The following ZFPM2 variants were observed in gnomAD, a reference collection of about 807,000 sequenced individuals.
ZFPM2 encodes zinc finger protein, FOG family member 2.
In ZFPM2, 20 loss-of-function variants were observed where a neutral mutation model predicts 98.6. The observed-to-expected ratio is 0.20, with a 90% CI of 0.14 to 0.29. The LOEUF (loss-of-function observed/expected upper bound fraction) is 0.29. Ranked by LOEUF, ZFPM2 falls within the 10% of genes least tolerant of loss-of-function variation. The pLI, the probability that ZFPM2 is intolerant of heterozygous loss-of-function variation, is 1.00. For synonymous variants in ZFPM2, 518 were observed against 502.7 expected, an observed-to-expected ratio of 1.03 and a Z score of -0.41; for missense variants, 1,310 against 1,388.6, an observed-to-expected ratio of 0.94 and a Z score of 0.90.
At chr8:105,515,747 T>G (rs16873287) in intron 3 of ZFPM2, among the ~76,000 whole-genome samples, 60,280 of 151,876 alleles carry the variant, frequency 0.4, 14,758 homozygotes, top group African/African-American at 0.7. Context: ...GACTTATTCT[T>G]AGATTAGTTG....
chr8:105,402,671 A>G (rs1811364163), intron 1 of ZFPM2, among the ~76,000 whole-genome samples: 1 of 152,006 alleles, frequency 6.6e-6, no homozygotes, highest in Non-Finnish European at 1.5e-5. Context: ...AGTCCCAACA[A>G]GCATTTAGAC....
At chr8:105,757,270 A>G (rs1335091600) in intron 5 of ZFPM2, among the ~76,000 whole-genome samples, 1 of 152,174 alleles carries the variant, frequency 6.6e-6, no homozygotes, top group Non-Finnish European at 1.5e-5. Flanking sequence ...CTGATTGCAT[A>G]TTAGACTCAC....
chr8:105,509,441 GT>G (rs1340267149), intron 3 of ZFPM2, among the ~76,000 whole-genome samples: 5 of 152,040 alleles, frequency 3.3e-5, no homozygotes, highest in African/African-American at 7.2e-5. Context: ...TCTTTAAATT[GT>G]TCATGCGATA....
At chr8:105,628,494 C>A (rs1351115487) in intron 4 of ZFPM2, among the ~76,000 whole-genome samples, 1 of 152,160 alleles carries the variant, frequency 6.6e-6, no homozygotes, top group African/African-American at 2.4e-5. Context: ...AAAGTGAGAA[C>A]TTCTATCCCT....
At chr8:105,322,955 G>T (rs1812054997) in intron 1 of ZFPM2, among the ~76,000 whole-genome samples, 2 of 151,694 alleles carry the variant, frequency 1.3e-5, no homozygotes, top group Admixed American at 1.3e-4. Context: ...ATAAAGGGTA[G>T]GTTATAGTCA....
intron 1 of ZFPM2, among the ~76,000 whole-genome samples, chr8:105,377,504 G>A (rs755993867): frequency 7.5e-5 from 11 of 146,634 alleles, no homozygotes; most frequent in Non-Finnish European, 1.5e-4. Flanking sequence ...GCTCATGCCT[G>A]TAATCCCAGC....
At chr8:105,349,314 G>A (rs1382303726) in intron 1 of ZFPM2, among the ~76,000 whole-genome samples, 4 of 152,146 alleles carry the variant, frequency 2.6e-5, no homozygotes, top group African/African-American at 9.7e-5. Context: ...GGAATGGCCT[G>A]GACTTCAGCC....
rs557144133 is a variant in ZFPM2, at chr8:105,423,647, C to T, written c.199+4345C>T. On this transcript the variant is annotated intron_variant, in intron 2 of 7. Transcript: ENST00000407775. Reference sequence around the variant, plus strand: ...GAAATTTTCGTTTCAGTTATTTTGTCTGCCTTTCTTCTGGTTTATGTGCCA... The same window carrying T: ...GAAATTTTCGTTTCAGTTATTTTGTTTGCCTTTCTTCTGGTTTATGTGCCA... Among the ~76,000 whole-genome samples the T allele has an allele frequency of 1.3e-4, 20 of 152,292 alleles. No homozygotes were observed. In the East Asian group the frequency reaches 3.5e-3, roughly 26 times the overall value.
intron 5 of ZFPM2, among the ~76,000 whole-genome samples, chr8:105,753,673 CAT>C (rs947235516): frequency 9.2e-5 from 14 of 152,160 alleles, no homozygotes; most frequent in African/African-American, 3.4e-4. Context: ...AGTTTGAAAA[CAT>C]GTTAGTAAGA....
intron 5 of ZFPM2, among the ~76,000 whole-genome samples, chr8:105,723,828 T>C (rs140583293): frequency 5.4e-4 from 82 of 151,942 alleles, no homozygotes; most frequent in African/African-American, 1.9e-3. Flanking sequence ...TAAATGTCCT[T>C]TGTGGCATTT....
chr8:105,446,876 T>G (rs1305482696), intron 3 of ZFPM2, among the ~76,000 whole-genome samples: 2 of 152,164 alleles, frequency 1.3e-5, no homozygotes, highest in Non-Finnish European at 2.9e-5. Flanking sequence ...TTTATTTACT[T>G]TTCAAGGTAG....
At position 105,494,572 on chromosome 8, in the gene ZFPM2, A is replaced by G. The variant is rs1228229834; in HGVS notation, c.301+50191A>G. On this transcript the variant is annotated intron_variant, in intron 3 of 7. Coordinates refer to ENST00000407775, the MANE Select transcript of ZFPM2 (RefSeq NM_012082.4). ...TTGTTACTCCATCTATATCCTTGAC[A>G]TTTTCCATTGTCCTTTGAAGAAGAT... 2.0e-5 allele frequency among the ~76,000 whole-genome samples: 3 copies of G among 151,874 alleles called. No individual in the cohort carries two copies. In the East Asian group the frequency reaches 5.8e-4, roughly 30 times the overall value.
intron 5 of ZFPM2, among the ~76,000 whole-genome samples, chr8:105,653,122 A>G (rs1254130909): frequency 2.6e-5 from 4 of 152,210 alleles, no homozygotes; most frequent in Non-Finnish European, 5.9e-5. Context: ...AATAAGAAAC[A>G]AAAACGAAGT....
intron 3 of ZFPM2, among the ~76,000 whole-genome samples, chr8:105,552,683 G>A (rs1012540627): frequency 7.0e-5 from 10 of 143,236 alleles, no homozygotes; most frequent in African/African-American, 2.7e-4. Flanking sequence ...AGACTTTAGA[G>A]CAAAGGGCAG....
chr8:105,800,630 A>C (rs1293771444), intron 7 of ZFPM2, among the ~76,000 whole-genome samples: 2 of 152,166 alleles, frequency 1.3e-5, no homozygotes, highest in African/African-American at 4.8e-5. Flanking sequence ...TTCAATAGCA[A>C]CCCTAATGAA....
chr8:105,570,513 TG>T (rs1815331987), intron 4 of ZFPM2, among the ~76,000 whole-genome samples: 1 of 152,166 alleles, frequency 6.6e-6, no homozygotes, highest in African/African-American at 2.4e-5. Flanking sequence ...GGATTTGCTG[TG>T]TTATAATGCA....
chr8:105,356,992 C>T (rs1812760293), intron 1 of ZFPM2, among the ~76,000 whole-genome samples: 1 of 152,110 alleles, frequency 6.6e-6, no homozygotes, highest in Non-Finnish European at 1.5e-5. Context: ...TTATCAAGTC[C>T]AATTTGTCTA....
rs199580917 is a variant in ZFPM2 at position 105,802,783 on chromosome 8, G to A, written c.2701G>A (p.Glu901Lys). ...DGKVFPNPESERNSPDVSYER... is the reference protein window; with the variant it reads ...DGKVFPNPESKRNSPDVSYER... ...CAAAGTGTTTCCGAATCCAGAAAGC[G>A]AACGAAACAGCCCTGATGTCAGCTA... Residue 901 changes from glutamate to lysine, a missense_variant, in exon 8 of 8, where the codon GAA becomes AAA. Coordinates refer to ENST00000407775, the MANE Select transcript of ZFPM2 (RefSeq NM_012082.4). 3.7e-5 allele frequency: 60 copies of A among 1,613,506 alleles called. 1 individual carries two copies. In the South Asian group the frequency reaches 5.1e-4, roughly 14 times the overall value.
At chr8:105,474,616 C>T (rs1198608107) in intron 3 of ZFPM2, among the ~76,000 whole-genome samples, 1 of 152,038 alleles carries the variant, frequency 6.6e-6, no homozygotes, top group East Asian at 1.9e-4. Context: ...AATGAGAATT[C>T]TATGGAAAAT....
Sources: allele counts gnomAD v4.1 joint callset (sites outside exome capture counted in the v4.1 genomes callset), GRCh38; gene constraint gnomAD v4.1.1; transcripts MANE v1.5; gene names NCBI Gene and HGNC (gene_info 2026-07-23, HGNC 2026-07-21).